Variants in HTR1E observed in about 807,000 individuals in gnomAD.
The protein encoded by HTR1E is 5-hydroxytryptamine receptor 1E.
A neutral mutation model predicts 3.4 loss-of-function variants in HTR1E; 3 were observed. That is an observed-to-expected ratio of 0.89 (90% CI 0.41 to 2.31). The LOEUF is 2.31. Ranked by LOEUF, HTR1E falls within the 30% of genes most tolerant of loss-of-function variation. The probability of loss-of-function intolerance (pLI) is 0.05; values close to 1 mark genes in which losing one functional copy is unlikely to be tolerated. For synonymous variants in HTR1E, 170 were observed against 182.8 expected, an observed-to-expected ratio of 0.93 and a Z score of 0.56; for missense variants, 392 against 467.0, an observed-to-expected ratio of 0.84 and a Z score of 1.48.
chr6:86,967,357 G>C (rs1374555736), intron 1 of HTR1E, among the ~76,000 whole-genome samples: 4 of 151,962 alleles, frequency 2.6e-5, no homozygotes, highest in Non-Finnish European at 5.9e-5. Flanking sequence ...CATTGATTTT[G>C]TGCCAGTTCT....
intron 1 of HTR1E, among the ~76,000 whole-genome samples, chr6:86,969,668 G>C (rs1471705974): frequency 1.3e-5 from 2 of 152,144 alleles, no homozygotes; most frequent in African/African-American, 4.8e-5. Context: ...CAGTTACCAA[G>C]TTTCTCTCTG....
intron 1 of HTR1E, among the ~76,000 whole-genome samples, chr6:86,995,249 G>A (rs985524603): frequency 1.3e-5 from 2 of 151,192 alleles, no homozygotes; most frequent in African/African-American, 4.9e-5. Flanking sequence ...TCAAGACTTT[G>A]AGACCAGTCT....
At chr6:86,994,443 A>C (rs1043404734) in intron 1 of HTR1E, among the ~76,000 whole-genome samples, 3 of 152,298 alleles carry the variant, frequency 2.0e-5, no homozygotes, top group Middle Eastern at 3.4e-3. Context: ...TTTTCAGCAG[A>C]AACCATGGAG....
chr6:86,945,133 T>C (rs1342596976), intron 1 of HTR1E, among the ~76,000 whole-genome samples: 1 of 152,146 alleles, frequency 6.6e-6, no homozygotes, highest in Non-Finnish European at 1.5e-5. Context: ...CCATGCATGT[T>C]ATTGCCCCGA....
At chr6:87,003,553 A>G (rs1454174607) in intron 1 of HTR1E, among the ~76,000 whole-genome samples, 1 of 150,496 alleles carries the variant, frequency 6.6e-6, no homozygotes, top group Non-Finnish European at 1.5e-5. Flanking sequence ...AAAAAAAAAG[A>G]AAAAAGAAAG....
At chr6:86,939,965 C>T (rs1322739725) in intron 1 of HTR1E, among the ~76,000 whole-genome samples, 1 of 152,180 alleles carries the variant, frequency 6.6e-6, no homozygotes, top group Non-Finnish European at 1.5e-5. Flanking sequence ...CAGCAACAAT[C>T]ATGTAAATAA....
At chr6:86,989,504 G>C (rs534781884) in intron 1 of HTR1E, among the ~76,000 whole-genome samples, 101 of 152,288 alleles carry the variant, frequency 6.6e-4, no homozygotes, top group African/African-American at 2.3e-3. Context: ...CTGTGACTTT[G>C]TAAAATTCAA....
At chr6:86,954,988 G>A (rs1301590250) in intron 1 of HTR1E, among the ~76,000 whole-genome samples, 1 of 152,030 alleles carries the variant, frequency 6.6e-6, no homozygotes, top group Non-Finnish European at 1.5e-5. Context: ...AGAGCAAATC[G>A]ACCCTCTGCT....
At chr6:86,946,309 C>T (rs1446919070) in intron 1 of HTR1E, among the ~76,000 whole-genome samples, 1 of 152,192 alleles carries the variant, frequency 6.6e-6, no homozygotes, top group Non-Finnish European at 1.5e-5. Context: ...CATATTTTCA[C>T]TGTACCCTTT....
chr6:86,965,606 T>C (rs918181987), intron 1 of HTR1E, among the ~76,000 whole-genome samples: 1 of 152,116 alleles, frequency 6.6e-6, no homozygotes, highest in Non-Finnish European at 1.5e-5. Context: ...AGGCCTCACC[T>C]TCCCAGTCAA....
chr6:87,007,967 A>G (rs1768142695), intron 1 of HTR1E, among the ~76,000 whole-genome samples: 1 of 152,216 alleles, frequency 6.6e-6, no homozygotes. Context: ...CTTGTCAAAA[A>G]GCAACATTAA....
intron 1 of HTR1E, among the ~76,000 whole-genome samples, chr6:86,977,218 T>C (rs1767650681): frequency 6.6e-6 from 1 of 152,206 alleles, no homozygotes; most frequent in Admixed American, 6.5e-5. Context: ...TCACAGTGTC[T>C]GTTGTTCCCA....
In HTR1E at chr6:87,002,621, T is replaced by C. The variant is rs142695730; in HGVS notation, c.-185-12529T>C. 5.3e-5 allele frequency among the ~76,000 whole-genome samples: 8 copies of C among 152,204 alleles called. No homozygotes were observed. In the South Asian group the frequency reaches 8.3e-4, roughly 16 times the overall value. On this transcript the variant is annotated intron_variant, in intron 1 of 1. Coordinates refer to ENST00000305344, the MANE Select transcript of HTR1E (RefSeq NM_000865.3). Reference sequence around the variant, plus strand: ...AGTGCTGATAGTGCTAATTGGTGTGTTTACAATCCTTTAGCTAGACACAGA... The same window carrying C: ...AGTGCTGATAGTGCTAATTGGTGTGCTTACAATCCTTTAGCTAGACACAGA...
At position 86,983,645 on chromosome 6, in the gene HTR1E, A is replaced by G. The variant is rs78430983; in HGVS notation, c.-185-31505A>G. Among the ~76,000 whole-genome samples, 281 of 152,300 alleles carry G rather than the reference A, an allele frequency of 1.8e-3. 1 individual carries two copies. The highest frequency in any genetic ancestry group is 5.2e-3 in the African/African-American group (218 of 41,572). ...TAATAATTTTTATTGTACGTTTCAA[A>G]ATAGCTAGAAGAGAAGATTTGGAAT... On this transcript the variant is annotated intron_variant, in intron 1 of 1. Transcript: ENST00000305344.
Position 87,015,618 on chromosome 6 carries a change from G to C in HTR1E, c.284G>C (p.Cys95Ser). ...CGCTGGAAGCTTGGGTACTTCCTCT[G>C]TGAGGTGTGGCTGAGTGTGGACATG... is the stretch of plus-strand genomic sequence containing the variant. The part of the protein sequence containing the change: ...MDRWKLGYFL[C>S]EVWLSVDMTC... The change falls in exon 2 of 2, where the codon TGT (cysteine) becomes TCT (serine). Residue 95 changes from cysteine (C) to serine (S), a missense_variant. Coordinates refer to ENST00000305344, the MANE Select transcript of HTR1E (RefSeq NM_000865.3). The C allele has an allele frequency of 1.9e-6, 3 of 1,614,184 alleles. No individual in the cohort carries two copies. The highest frequency in any genetic ancestry group is 2.5e-6 in the Non-Finnish European group (3 of 1,180,014).
intron 1 of HTR1E, among the ~76,000 whole-genome samples, chr6:87,009,055 A>ATT (rs200180275): frequency 1.6e-4 from 22 of 141,866 alleles, no homozygotes; most frequent in African/African-American, 2.3e-4. Context: ...ACTTCTTTTT[A>ATT]TTTTTTTTTT....
chr6:86,995,173 C>G (rs975745295), intron 1 of HTR1E, among the ~76,000 whole-genome samples: 3 of 151,792 alleles, frequency 2.0e-5, no homozygotes, highest in African/African-American at 7.3e-5. Context: ...CATACCGACC[C>G]GGAGCCGTGG....
At chr6:87,003,149 C>T (rs1240212369) in intron 1 of HTR1E, among the ~76,000 whole-genome samples, 1 of 152,042 alleles carries the variant, frequency 6.6e-6, no homozygotes, top group African/African-American at 2.4e-5. Flanking sequence ...TGGAATAAAA[C>T]CACAAATCAA....
chr6:86,977,889 C>T (rs1401937851), intron 1 of HTR1E, among the ~76,000 whole-genome samples: 2 of 152,046 alleles, frequency 1.3e-5, no homozygotes, highest in Non-Finnish European at 2.9e-5. Context: ...ATATCCTTTG[C>T]CCATTTTTTA....
Sources: gnomAD v4.1 joint callset for allele counts (sites outside exome capture counted in the v4.1 genomes callset) on GRCh38, gnomAD v4.1.1 for gene constraint, MANE v1.5 for transcripts, NCBI Gene and HGNC (gene_info 2026-07-23, HGNC 2026-07-21) for gene names.